The following SLC9A4 variants were observed in gnomAD, a reference collection of about 807,000 sequenced individuals.
The protein encoded by SLC9A4 is solute carrier family 9 member A4.
SLC9A4 carries 63 observed loss-of-function variants against 67.4 expected under a neutral mutation model. The ratio of observed to expected loss-of-function variants is 0.93; its 90% CI spans 0.76 to 1.15. SLC9A4 has a LOEUF of 1.15. Among genes scored for constraint, SLC9A4 ranks in the 50% most tolerant of loss-of-function variants. The pLI is 0.00. For synonymous variants in SLC9A4, 393 were observed against 367.2 expected (o/e 1.07, Z -0.80); for missense variants, 1,089 against 987.7 (o/e 1.10, Z -1.38).
At chr2:102,502,561 C>T (rs1684965259) in intron 2 of SLC9A4, among the ~76,000 whole-genome samples, 1 of 152,230 alleles carries the variant, frequency 6.6e-6, no homozygotes, top group African/African-American at 2.4e-5. Flanking sequence ...CAAGGAAGGA[C>T]ACGCTTGGGA....
intron 11 of SLC9A4, 61 bp from the exon 12 acceptor site, chr2:102,532,269 T>C: frequency 6.6e-7 from 1 of 1,513,718 alleles, no homozygotes; most frequent in Non-Finnish European, 8.9e-7. Flanking sequence ...ATGTGGATAT[T>C]AAGTCTTAAC....
chr2:102,519,846 A>G lies in SLC9A4; in HGVS notation c.1722-13A>G, dbSNP rs770615606. ...AAGAATAATGTTTGTCTCTTCTCCA[A>G]TAATGATTCCAGGGCCCAGAGGATA... On this transcript the variant is annotated splice_polypyrimidine_tract_variant and intron_variant, in intron 8 of 11. Coordinates refer to ENST00000295269, the MANE Select transcript of SLC9A4 (RefSeq NM_001011552.4). 2.2e-5 allele frequency: 36 copies of G among 1,612,694 alleles called. No homozygotes were observed. The highest frequency in any genetic ancestry group is 2.9e-5 in the Non-Finnish European group (34 of 1,179,106).
At chr2:102,526,937 A>G (rs2104449949) in intron 11 of SLC9A4, among the ~76,000 whole-genome samples, 1 of 152,312 alleles carries the variant, frequency 6.6e-6, no homozygotes, top group Non-Finnish European at 1.5e-5. Flanking sequence ...GACATAATAT[A>G]TGTAATATGC....
intron 2 of SLC9A4, among the ~76,000 whole-genome samples, chr2:102,491,911 C>G (rs1684710511): frequency 6.6e-6 from 1 of 152,326 alleles, no homozygotes; most frequent in Admixed American, 6.5e-5. Context: ...GGTAAAGGCA[C>G]TGGGTAAATA....
At chr2:102,474,149 G>A (rs1028357154) in intron 1 of SLC9A4, 134 bp downstream of exon 1, 4 of 1,085,476 alleles carry the variant, frequency 3.7e-6, no homozygotes, top group Admixed American at 2.6e-5. Context: ...CTTCCCTTCA[G>A]TCAAGGGAAA....
Position 102,505,337 on chromosome 2 carries a change from T to C in SLC9A4, c.1064T>C (p.Met355Thr). 1 of 1,614,240 alleles carries C rather than the reference T, an allele frequency of 6.2e-7. No homozygotes were observed. The highest frequency in any genetic ancestry group is 8.5e-7 in the Non-Finnish European group (1 of 1,180,044). ...QTSYTTIKYF[M>T]KMLSSVSETL... Reference sequence around the variant, plus strand: ...TCATACACGACCATCAAGTACTTCATGAAGATGCTGAGCAGCGTCAGCGAG... The same window carrying C: ...TCATACACGACCATCAAGTACTTCACGAAGATGCTGAGCAGCGTCAGCGAG... Residue 355 changes from methionine (M) to threonine (T), a missense_variant, in exon 4 of 12, where the codon ATG becomes ACG. Met to Thr is a moderately conservative substitution (Grantham distance 81). Transcript: ENST00000295269.
chr2:102,486,674 G>A (rs1419550648), intron 2 of SLC9A4, among the ~76,000 whole-genome samples: 1 of 152,144 alleles, frequency 6.6e-6, no homozygotes, highest in Admixed American at 6.5e-5. Context: ...GCACGATCTT[G>A]GGACCCAATC....
At chr2:102,505,889 A>G (rs1314415387) in intron 4 of SLC9A4, 1 of 177,490 alleles carries the variant, frequency 5.6e-6, no homozygotes, top group Non-Finnish European at 1.2e-5. Flanking sequence ...TAAATCAGAT[A>G]TGGATTATAA....
At chr2:102,529,359 T>C (rs1674732194) in intron 11 of SLC9A4, among the ~76,000 whole-genome samples, 1 of 152,184 alleles carries the variant, frequency 6.6e-6, no homozygotes, top group South Asian at 2.1e-4. Flanking sequence ...CTTTAATAAG[T>C]TTTAAAGATG....
chr2:102,503,536 T>C lies in SLC9A4; in HGVS notation c.809T>C (p.Phe270Ser), dbSNP rs769075904. 1 of 1,614,218 alleles carries C rather than the reference T, an allele frequency of 6.2e-7. No homozygotes were observed. The highest frequency in any genetic ancestry group is 8.5e-7 in the Non-Finnish European group (1 of 1,180,024). ...GACATTTTGGCTGGATGTGCCCGAT[T>C]CATCGTTGTGGGGCTTGGAGGGGTA... ...TVDILAGCAR[F>S]IVVGLGGVLF... Residue 270 changes from phenylalanine (F) to serine (S), a missense_variant, in exon 3 of 12, where the codon TTC (phenylalanine) becomes TCC (serine). Physicochemically the swap from Phe to Ser is radical, Grantham distance 155. Coordinates refer to ENST00000295269, the MANE Select transcript of SLC9A4 (RefSeq NM_001011552.4).
intron 6 of SLC9A4, 48 bp from the exon 7 acceptor site, chr2:102,512,155 C>T: frequency 6.2e-7 from 1 of 1,605,802 alleles, no homozygotes; most frequent in East Asian, 2.2e-5. Flanking sequence ...GTGTGTCTTT[C>T]AGAGTTCGCG....
At chr2:102,525,177 G>A in intron 10 of SLC9A4, 22 bp downstream of exon 10, 3 of 1,613,554 alleles carry the variant, frequency 1.9e-6, no homozygotes, top group Non-Finnish European at 2.5e-6. Flanking sequence ...CTGGGGACTG[G>A]GACATTCCTT....
intron 7 of SLC9A4, among the ~76,000 whole-genome samples, chr2:102,512,542 T>A (rs972559623): frequency 7.9e-5 from 12 of 152,112 alleles, no homozygotes; most frequent in Non-Finnish European, 1.5e-4. Context: ...AATATTTAAG[T>A]TAAAAACAAG....
chr2:102,502,118 C>T lies in SLC9A4; in HGVS notation c.721-1330C>T, dbSNP rs181715813. Among the ~76,000 whole-genome samples, 412 of 152,208 alleles carry T rather than the reference C, an allele frequency of 2.7e-3. 2 individuals are homozygous for T. The highest frequency in any genetic ancestry group is 9.2e-3 in the African/African-American group (384 of 41,530). On this transcript the variant is annotated intron_variant, in intron 2 of 11. Coordinates refer to ENST00000295269, the MANE Select transcript of SLC9A4 (RefSeq NM_001011552.4). Reference sequence around the variant, plus strand: ...TGCTAAGAGGCAAGTACTGTGATTTCGCAGGACTCTTCAGGGGCTGATATT... The same window carrying T: ...TGCTAAGAGGCAAGTACTGTGATTTTGCAGGACTCTTCAGGGGCTGATATT...
chr2:102,479,254 C>G lies in SLC9A4; in HGVS notation c.672C>G (p.Leu224=). The G allele has an allele frequency of 6.2e-7, 1 of 1,613,972 alleles. No individual in the cohort carries two copies. Among genetic ancestry groups the G allele is most frequent in the Non-Finnish European group, 8.5e-7 (1 of 1,179,984 alleles). Reference sequence around the variant, plus strand: ...AGGAAGCGCGCGTGAACGAGCAGCTCTACATGATGATCTTTGGGGAGGCCC... The same window carrying G: ...AGGAAGCGCGCGTGAACGAGCAGCTGTACATGATGATCTTTGGGGAGGCCC... ...VFEEARVNEQ[L]YMMIFGEALL... The change falls in exon 2 of 12, where the codon CTC becomes CTG. Residue 224 remains leucine, a synonymous_variant. Transcript: ENST00000295269.
intron 4 of SLC9A4, among the ~76,000 whole-genome samples, chr2:102,507,309 G>A (rs1331286051): frequency 6.6e-6 from 1 of 152,098 alleles, no homozygotes; most frequent in Admixed American, 6.5e-5. Flanking sequence ...AGGATGTGGA[G>A]AGTTTTATTC....
intron 11 of SLC9A4, among the ~76,000 whole-genome samples, chr2:102,531,499 A>G (rs1471363672): frequency 6.6e-6 from 1 of 152,188 alleles, no homozygotes; most frequent in Non-Finnish European, 1.5e-5. Context: ...CCAAGGAGAC[A>G]GCAAGGAGAC....
intron 2 of SLC9A4, among the ~76,000 whole-genome samples, chr2:102,502,581 C>A (rs1382192053): frequency 6.6e-6 from 1 of 152,194 alleles, no homozygotes; most frequent in Non-Finnish European, 1.5e-5. Context: ...AGGGGTTCAC[C>A]TTTTACTGGA....
intron 2 of SLC9A4, among the ~76,000 whole-genome samples, chr2:102,488,142 G>A (rs1483755124): frequency 1.3e-5 from 2 of 152,128 alleles, no homozygotes; most frequent in East Asian, 1.9e-4. Context: ...ACAGCCTGGG[G>A]ACTTTCCTAG....
Sources: gnomAD v4.1 joint callset for allele counts (sites outside exome capture counted in the v4.1 genomes callset) on GRCh38, gnomAD v4.1.1 for gene constraint, MANE v1.5 for transcripts, NCBI Gene and HGNC (gene_info 2026-07-23, HGNC 2026-07-21) for gene names.